SLC7A2: variants seen among roughly 807,000 people sequenced by gnomAD.
SLC7A2 encodes solute carrier family 7 member 2, also known as cationic amino acid transporter 2.
SLC7A2 carries 48 observed loss-of-function variants against 58.9 expected under a neutral mutation model. That is an observed-to-expected ratio of 0.82 (90% CI 0.65 to 1.04). SLC7A2 has a LOEUF of 1.04. Ranked by LOEUF, SLC7A2 falls within the 50% of genes least tolerant of loss-of-function variation. SLC7A2 has a pLI of 0.00. For missense variants in SLC7A2, 1,029 were observed against 818.8 expected, an observed-to-expected ratio of 1.26 and a Z score of -3.13; for synonymous variants, 363 against 314.5, an observed-to-expected ratio of 1.15 and a Z score of -1.63.
At chr8:17,506,321 T>C (rs1474237688) in intron 2 of SLC7A2, among the ~76,000 whole-genome samples, 1 of 152,232 alleles carries the variant, frequency 6.6e-6, no homozygotes, top group Non-Finnish European at 1.5e-5. Flanking sequence ...CTATTTTCTT[T>C]AAAGAGGATT....
chr8:17,532,185 G>T (rs1291468458), intron 2 of SLC7A2, among the ~76,000 whole-genome samples: 2 of 131,938 alleles, frequency 1.5e-5, no homozygotes, highest in Non-Finnish European at 3.1e-5. Flanking sequence ...AGCTGAGATT[G>T]CGCCACTACA....
chr8:17,543,902 C>G (rs578099880), intron 3 of SLC7A2, among the ~76,000 whole-genome samples, 187 bp downstream of exon 3: 5 of 152,226 alleles, frequency 3.3e-5, no homozygotes, highest in African/African-American at 1.2e-4. Context: ...CAGTCTCACT[C>G]TGTCGCCCAG....
At position 17,548,861 on chromosome 8, in the gene SLC7A2, T is replaced by C. The variant is rs1249959638; in HGVS notation, c.698+18T>C. The C allele has an allele frequency of 6.3e-7, 1 of 1,579,260 alleles. No homozygotes were observed. The highest frequency in any genetic ancestry group is 8.6e-7 in the Non-Finnish European group (1 of 1,165,670). On this transcript the variant is annotated intron_variant, in intron 5 of 12. Transcript: ENST00000494857. ...AGTGCCAGGTAAAATATTTGAGGTT[T>C]TTTTTTTTCTCCTTCTTGTTTAAGA...
chr8:17,531,819 A>G (rs1211979369), intron 2 of SLC7A2, among the ~76,000 whole-genome samples: 1 of 152,142 alleles, frequency 6.6e-6, no homozygotes, highest in Non-Finnish European at 1.5e-5. Flanking sequence ...GAATTGTTTC[A>G]AGTAAAGTAA....
At chr8:17,510,175 G>A (rs1236383230) in intron 2 of SLC7A2, among the ~76,000 whole-genome samples, 2 of 151,972 alleles carry the variant, frequency 1.3e-5, no homozygotes, top group Non-Finnish European at 2.9e-5. Flanking sequence ...AGCCAAGATA[G>A]CACCGCTGCA....
At chr8:17,496,132 C>G (rs1229479393), upstream of SLC7A2, among the ~76,000 whole-genome samples, 1 of 152,140 alleles carries the variant, frequency 6.6e-6, no homozygotes, top group Non-Finnish European at 1.5e-5. Context: ...TTCTGTCAAA[C>G]AAAAATAGTA....
chr8:17,562,350 G>A (rs1265762360), intron 11 of SLC7A2, among the ~76,000 whole-genome samples: 3 of 151,614 alleles, frequency 2.0e-5, no homozygotes, highest in African/African-American at 4.9e-5. Flanking sequence ...GATCACAGGT[G>A]CACGCCACCA....
chr8:17,550,258 T>G (rs1258580393), intron 5 of SLC7A2, 43 bp from the exon 6 acceptor site: 3 of 1,597,284 alleles, frequency 1.9e-6, no homozygotes, highest in Admixed American at 1.7e-5. Context: ...AAGGAGAGTT[T>G]TCTGTCAAAG....
At chr8:17,534,377 T>C (rs764944361) in intron 2 of SLC7A2, among the ~76,000 whole-genome samples, 10 of 152,200 alleles carry the variant, frequency 6.6e-5, no homozygotes, top group Non-Finnish European at 1.2e-4. Context: ...TTTGTAAGGA[T>C]GAGCAGTTCG....
At chr8:17,525,687 T>C (rs980073164) in intron 2 of SLC7A2, among the ~76,000 whole-genome samples, 1 of 152,182 alleles carries the variant, frequency 6.6e-6, no homozygotes, top group African/African-American at 2.4e-5. Context: ...GTGTATGAGT[T>C]TGCACTCAGG....
intron 2 of SLC7A2, among the ~76,000 whole-genome samples, chr8:17,502,575 C>A (rs937709836): frequency 4.6e-5 from 7 of 152,148 alleles, no homozygotes; most frequent in Admixed American, 4.6e-4. Flanking sequence ...AGTTGAGTAT[C>A]ACTGATTCAC....
chr8:17,532,232 A>AAAAAAAAAAAAC (rs1801483654), intron 2 of SLC7A2, among the ~76,000 whole-genome samples: 1 of 36,876 alleles, frequency 2.7e-5, no homozygotes, highest in Non-Finnish European at 1.2e-4. Context: ...TCTATCTCAA[A>AAAAAAAAAAAAC]AAAAAAAAAA....
In SLC7A2 at chr8:17,552,105, T is replaced by C. The variant is rs552247986; in HGVS notation, c.1055+119T>C. Reference sequence around the variant, plus strand: ...TAATAGAAACAAAATATTATGCAACTTTGTATTTATTGATTGGCTTGCTCA... The same window carrying C: ...TAATAGAAACAAAATATTATGCAACCTTGTATTTATTGATTGGCTTGCTCA... On this transcript the variant is annotated intron_variant, in intron 7 of 12. Coordinates refer to ENST00000494857, the MANE Select transcript of SLC7A2 (RefSeq NM_001370338.1). The C allele has an allele frequency of 1.4e-4, 100 of 691,624 alleles. No individual in the cohort carries two copies. In the African/African-American group the frequency reaches 1.5e-3, roughly 10 times the overall value. 42.8% of individuals were successfully genotyped at this position (691,624 alleles called of 1,614,324 possible). A position where few individuals can be genotyped will look rare whatever the true frequency, so the allele number is the denominator to read the frequency against.
intron 1 of SLC7A2, among the ~76,000 whole-genome samples, chr8:17,501,069 A>C (rs1262565632): frequency 6.6e-6 from 1 of 150,624 alleles, no homozygotes; most frequent in Non-Finnish European, 1.5e-5. Context: ...GCTAGAGTGC[A>C]GTGGTGCGAC....
At chr8:17,536,732 G>T (rs1801682820) in intron 2 of SLC7A2, among the ~76,000 whole-genome samples, 1 of 152,194 alleles carries the variant, frequency 6.6e-6, no homozygotes, top group South Asian at 2.1e-4. Context: ...GGAATTCCCA[G>T]GAAATGTAGC....
intron 2 of SLC7A2, among the ~76,000 whole-genome samples, chr8:17,543,100 A>G (rs75705521): frequency 0.11 from 16,179 of 152,126 alleles, 1,831 homozygotes; most frequent in African/African-American, 0.28. Context: ...TGTATGCTAC[A>G]GGAAATTGAA....
chr8:17,543,299 C>T lies in SLC7A2; in HGVS notation c.-22-19C>T. 2 of 1,571,830 alleles carry T rather than the reference C, an allele frequency of 1.3e-6. No homozygotes were observed. The highest frequency in any genetic ancestry group is 1.7e-6 in the Non-Finnish European group (2 of 1,160,354). ...ATGACAATTCCAGATCAGCTTCTAA[C>T]CTCCTCCCTTCTGCTCAGGTCGCCT... On this transcript the variant is annotated intron_variant, in intron 2 of 12. Transcript: ENST00000494857.
chr8:17,552,876 T>C (rs1802517496), intron 7 of SLC7A2, among the ~76,000 whole-genome samples: 1 of 152,234 alleles, frequency 6.6e-6, no homozygotes, highest in African/African-American at 2.4e-5. Context: ...TTTGGCAGAT[T>C]AGTAATTTTT....
At chr8:17,495,243 A>T (rs1799929080), upstream of SLC7A2, among the ~76,000 whole-genome samples, 1 of 152,108 alleles carries the variant, frequency 6.6e-6, no homozygotes, top group Non-Finnish European at 1.5e-5. Context: ...GACTCCCAGG[A>T]ATCTCTATTT....
Sources: gnomAD v4.1 joint callset for allele counts (sites outside exome capture counted in the v4.1 genomes callset) on GRCh38, gnomAD v4.1.1 for gene constraint, MANE v1.5 for transcripts, NCBI Gene and HGNC (gene_info 2026-07-23, HGNC 2026-07-21) for gene names.